Variants in ERG observed in about 807,000 individuals in gnomAD.
ERG encodes transcriptional regulator ERG.
ERG carries 9 observed loss-of-function variants against 55.3 expected under a neutral mutation model. That is an observed-to-expected ratio of 0.16 (90% CI 0.10 to 0.28). ERG has a LOEUF of 0.28. Ranked by LOEUF, ERG falls within the 10% of genes least tolerant of loss-of-function variation. The probability of loss-of-function intolerance (pLI) is 1.00; values close to 1 mark genes in which losing one functional copy is unlikely to be tolerated. For synonymous variants in ERG, 223 were observed against 237.3 expected, an observed-to-expected ratio of 0.94 and a Z score of 0.55; for missense variants, 434 against 631.6, an observed-to-expected ratio of 0.69 and a Z score of 3.35.
intron 1 of ERG, among the ~76,000 whole-genome samples, chr21:38,641,949 C>T (rs57427707): frequency 0.25 from 37,869 of 152,120 alleles, 5,170 homozygotes; most frequent in Middle Eastern, 0.34. Flanking sequence ...GGGATAGGAC[C>T]TGGGCATCTG....
At chr21:38,446,651 A>C (rs2058895055) in intron 1 of ERG, among the ~76,000 whole-genome samples, 1 of 152,202 alleles carries the variant, frequency 6.6e-6, no homozygotes, top group African/African-American at 2.4e-5. Context: ...ACTAGTGAGA[A>C]GCAAAGGCTA....
downstream of ERG, among the ~76,000 whole-genome samples, chr21:38,379,455 A>G (rs1186272158): frequency 6.6e-6 from 1 of 152,200 alleles, no homozygotes; most frequent in African/African-American, 2.4e-5. Context: ...TTTCTGTATT[A>G]TCTTCTTTAG....
chr21:38,563,760 T>A (rs538294182), intron 2 of ERG, among the ~76,000 whole-genome samples: 48 of 152,254 alleles, frequency 3.2e-4, no homozygotes, highest in Non-Finnish European at 8.8e-5. Context: ...CTTCAAGTAA[T>A]TTATAATCTA....
Position 38,434,073 on chromosome 21 carries a change from C to T in ERG, c.237-10512G>A, listed in dbSNP as rs866903940. On this transcript the variant is annotated intron_variant, in intron 2 of 9. Coordinates refer to ENST00000288319, the MANE Select transcript of ERG (RefSeq NM_182918.4). ...TGCAAGCTGCCCATGTCCAACCTAA[C>T]CCCCATCATGGCCCAGAGCCCCTCC... 1.4e-4 allele frequency among the ~76,000 whole-genome samples: 21 copies of T among 152,268 alleles called. 1 individual carries two copies. The highest frequency in any genetic ancestry group is 4.8e-4 in the African/African-American group (20 of 41,552).
chr21:38,423,741 A>T (rs1373985220), intron 2 of ERG, among the ~76,000 whole-genome samples, 180 bp from the exon 3 acceptor site: 1 of 152,052 alleles, frequency 6.6e-6, no homozygotes, highest in East Asian at 1.9e-4. Context: ...TAGTCCCAAC[A>T]CTTTGGGATG....
chr21:38,394,952 G>A (rs370471053), intron 6 of ERG, among the ~76,000 whole-genome samples: 11 of 152,038 alleles, frequency 7.2e-5, no homozygotes, highest in Non-Finnish European at 4.4e-5. Flanking sequence ...AATAAATGCC[G>A]AACTACTATT....
intron 1 of ERG, among the ~76,000 whole-genome samples, chr21:38,446,226 CAAAAAAA>C (rs71184626): frequency 3.1e-5 from 2 of 63,596 alleles, no homozygotes; most frequent in Admixed American, 2.0e-4. Flanking sequence ...ATAAATGAAC[CAAAAAAA>C]AAAAAAAAAA....
At chr21:38,562,060 C>T (rs1447409062) in intron 2 of ERG, among the ~76,000 whole-genome samples, 7 of 152,164 alleles carry the variant, frequency 4.6e-5, no homozygotes, top group East Asian at 3.9e-4. Flanking sequence ...GCAAAATCCA[C>T]GGAGACACAT....
rs1365429717 is a variant in ERG at position 38,380,207 on chromosome 21, C to G, written c.*3196G>C. ...CAGAACATCTGTGCTTTCCCTGTGC[C>G]CCATCACCTTCCCAGCTCCTGAGCT... On this transcript the variant is annotated 3_prime_UTR_variant, in exon 10 of 10. Transcript: ENST00000288319. 1.9e-6 allele frequency: 2 copies of G among 1,051,222 alleles called. No homozygotes were observed. Among genetic ancestry groups the G allele is most frequent in the Non-Finnish European group, 2.3e-6 (2 of 870,526 alleles). The allele number at this position is 1,051,222 out of a possible 1,614,324, so 65.1% of individuals were successfully genotyped here.
chr21:38,601,510 G>A (rs1373285178), intron 1 of ERG, among the ~76,000 whole-genome samples: 2 of 152,146 alleles, frequency 1.3e-5, no homozygotes, highest in African/African-American at 2.4e-5. Context: ...CCAAAGGCTA[G>A]CCAGAGAAAC....
At chr21:38,537,645 G>T (rs1322109638) in intron 2 of ERG, among the ~76,000 whole-genome samples, 2 of 152,232 alleles carry the variant, frequency 1.3e-5, no homozygotes, top group East Asian at 3.9e-4. Flanking sequence ...CCATTAGTAT[G>T]ACTATTACCA....
At chr21:38,458,409 G>C (rs2146589466) in intron 1 of ERG, among the ~76,000 whole-genome samples, 1 of 143,304 alleles carries the variant, frequency 7.0e-6, no homozygotes, top group Non-Finnish European at 1.5e-5. Flanking sequence ...GGGTGACAGA[G>C]TGAGACTCTG....
chr21:38,421,810 T>C (rs763112518), intron 3 of ERG, among the ~76,000 whole-genome samples: 29 of 152,230 alleles, frequency 1.9e-4, no homozygotes, highest in Non-Finnish European at 4.1e-4. Context: ...GTGGGGCTTA[T>C]GTTCCATTCA....
upstream of ERG, among the ~76,000 whole-genome samples, chr21:38,498,747 T>A (rs1228622933): frequency 6.6e-6 from 1 of 152,050 alleles, no homozygotes; most frequent in Non-Finnish European, 1.5e-5. The surrounding 1 kb of genome is among the most constrained non-coding windows in gnomAD (Gnocchi z 4.6). Context: ...CAAGGCAGGA[T>A]GCAGATGTGA....
intron 1 of ERG, among the ~76,000 whole-genome samples, chr21:38,642,441 C>T (rs1414904311): frequency 6.6e-6 from 1 of 151,520 alleles, no homozygotes; most frequent in African/African-American, 2.4e-5. Flanking sequence ...TAGTACTGTT[C>T]ATATAGATTT....
intron 1 of ERG, among the ~76,000 whole-genome samples, chr21:38,629,540 A>G (rs960780319): frequency 1.3e-5 from 2 of 152,222 alleles, no homozygotes; most frequent in Non-Finnish European, 2.9e-5. Flanking sequence ...ACATAGAAAA[A>G]TACTCAACAT....
chr21:38,481,853 T>C (rs900857565), intron 1 of ERG, among the ~76,000 whole-genome samples: 1 of 152,210 alleles, frequency 6.6e-6, no homozygotes, highest in African/African-American at 2.4e-5. Context: ...GAAAAATGAA[T>C]AGTCCCTATC....
At chr21:38,637,119 C>A (rs992190391) in intron 1 of ERG, among the ~76,000 whole-genome samples, 1 of 152,176 alleles carries the variant, frequency 6.6e-6, no homozygotes, top group Non-Finnish European at 1.5e-5. Context: ...TTCTGCTCAG[C>A]CACTAGCCTC....
upstream of ERG, among the ~76,000 whole-genome samples, chr21:38,498,876 A>G (rs1186850378): frequency 1.3e-5 from 2 of 152,188 alleles, no homozygotes; most frequent in African/African-American, 2.4e-5. This position sits in a 1 kb window ranked among gnomAD's most constrained non-coding sequence, Gnocchi z 4.6. Flanking sequence ...TTACTAGGAC[A>G]GAGGACTTGA....
Sources: gnomAD v4.1 joint callset for allele counts (sites outside exome capture counted in the v4.1 genomes callset) on GRCh38, gnomAD v4.1.1 for gene constraint, Gnocchi (gnomAD v3.1) non-coding constraint, MANE v1.5 for transcripts, NCBI Gene and HGNC (gene_info 2026-07-23, HGNC 2026-07-21) for gene names.